Variants in SETBP1 observed in about 807,000 individuals in gnomAD.
SETBP1 encodes SET binding protein 1, also known as SET-binding protein.
A neutral mutation model predicts 101.0 loss-of-function variants in SETBP1; 9 were observed. That is an observed-to-expected ratio of 0.09 (90% confidence interval 0.05 to 0.16). The LOEUF (loss-of-function observed/expected upper bound fraction) is 0.16. SETBP1 is among the 10% of genes least tolerant of loss of function. The probability of loss-of-function intolerance (pLI) is 1.00; values close to 1 mark genes in which losing one functional copy is unlikely to be tolerated. For missense variants in SETBP1, 1,858 were observed against 2,033.8 expected (o/e 0.91, Z 1.66); for synonymous variants, 818 against 788.5 (o/e 1.04, Z -0.63).
chr18:44,966,737 G>A (rs901184294), intron 4 of SETBP1, among the ~76,000 whole-genome samples: 7 of 152,122 alleles, frequency 4.6e-5, no homozygotes, highest in African/African-American at 1.7e-4. Context: ...AATTTCTAAC[G>A]CAGCTTAGTA....
At chr18:44,751,556 G>A (rs2070379923) in intron 2 of SETBP1, among the ~76,000 whole-genome samples, 1 of 148,786 alleles carries the variant, frequency 6.7e-6, no homozygotes, top group Non-Finnish European at 1.5e-5. Flanking sequence ...AGGTTTTATT[G>A]TTATTTGATT....
intron 3 of SETBP1, chr18:44,871,651 G>A (rs991776494): frequency 1.3e-5 from 2 of 152,186 alleles, no homozygotes; most frequent in Non-Finnish European, 2.9e-5. Flanking sequence ...CTTTTCTGTT[G>A]ATTTGTCTCT....
intron 3 of SETBP1, among the ~76,000 whole-genome samples, chr18:44,891,201 AG>A (rs1216208756): frequency 6.6e-6 from 1 of 152,108 alleles, no homozygotes; most frequent in South Asian, 2.1e-4. Context: ...AGCATGAGAA[AG>A]GCCTGCCTCC....
chr18:44,760,975 T>C (rs1048039206), intron 2 of SETBP1, among the ~76,000 whole-genome samples: 1 of 152,222 alleles, frequency 6.6e-6, no homozygotes, highest in African/African-American at 2.4e-5. Flanking sequence ...CATAATGTCT[T>C]TCATATTGAA....
At position 44,721,500 on chromosome 18, in the gene SETBP1, A is replaced by G. The variant is rs561769628; in HGVS notation, c.486+19668A>G. Among the ~76,000 whole-genome samples the G allele has an allele frequency of 1.1e-4, 16 of 151,772 alleles. No individual in the cohort carries two copies. The South Asian group carries it at 3.1e-3, about 30-fold the overall frequency. ...GTTTCTAGTCCATTTTGTTTTGTCT[A>G]TTCTTTGCCACTCATTTCTTTTCTG... is the stretch of plus-strand genomic sequence containing the variant. On this transcript the variant is annotated intron_variant, in intron 2 of 5. Coordinates refer to ENST00000649279, the MANE Select transcript of SETBP1 (RefSeq NM_015559.3).
intron 3 of SETBP1, among the ~76,000 whole-genome samples, chr18:44,889,220 A>T (rs542752934): frequency 6.6e-6 from 1 of 152,268 alleles, no homozygotes; most frequent in African/African-American, 2.4e-5. Context: ...GACAACCATA[A>T]ACCTCCGTGG....
rs564552751 is a variant in SETBP1, at chr18:44,697,509, T to A, written c.-172-3666T>A. ...GAGCTGCAGTGGGAGTAATTTGAAC[T>A]ACACGACTTTGAATAGCTGTCAGAG... On this transcript the variant is annotated intron_variant, in intron 1 of 5. Coordinates refer to ENST00000649279, the MANE Select transcript of SETBP1 (RefSeq NM_015559.3). 1.2e-4 allele frequency among the ~76,000 whole-genome samples: 18 copies of A among 152,348 alleles called. No individual in the cohort carries two copies. The East Asian group carries it at 2.9e-3, about 24-fold the overall frequency.
intron 2 of SETBP1, among the ~76,000 whole-genome samples, chr18:44,714,090 T>C (rs923470256): frequency 6.6e-6 from 1 of 152,220 alleles, no homozygotes; most frequent in Non-Finnish European, 1.5e-5. Flanking sequence ...AGGTGAAGTC[T>C]ATTATTCTCA....
chr18:44,764,105 G>GGCTC (rs1254236313), intron 2 of SETBP1, among the ~76,000 whole-genome samples: 1 of 152,196 alleles, frequency 6.6e-6, no homozygotes, highest in Non-Finnish European at 1.5e-5. Context: ...ACCCTCCCAT[G>GGCTC]GCTCCCCATT....
chr18:44,722,785 G>T (rs1000949941), intron 2 of SETBP1, among the ~76,000 whole-genome samples: 6 of 152,202 alleles, frequency 3.9e-5, no homozygotes, highest in African/African-American at 1.4e-4. Context: ...ATGTCTTCAG[G>T]ACGGTTCTCT....
chr18:44,946,926 G>A (rs763520468), intron 3 of SETBP1, among the ~76,000 whole-genome samples: 27 of 152,158 alleles, frequency 1.8e-4, no homozygotes, highest in Admixed American at 1.3e-3. Context: ...GGCAGTGACC[G>A]TGTTTGCAGA....
rs902071566 is a variant in SETBP1 at position 44,743,513 on chromosome 18, T to G, written c.486+41681T>G. Among the ~76,000 whole-genome samples the G allele has an allele frequency of 7.2e-5, 11 of 152,158 alleles. No homozygotes were observed. In the East Asian group the frequency reaches 2.1e-3, roughly 29 times the overall value. ...TACAACAGACCTCACTTGTACCAGCTCCATATTGCCCAAGGATCTGGTTCT... is the reference window on the plus strand; with the variant it reads ...TACAACAGACCTCACTTGTACCAGCGCCATATTGCCCAAGGATCTGGTTCT... On this transcript the variant is annotated intron_variant, in intron 2 of 5. Coordinates refer to ENST00000649279, the MANE Select transcript of SETBP1 (RefSeq NM_015559.3).
chr18:44,791,444 A>G (rs1186892998), intron 2 of SETBP1, among the ~76,000 whole-genome samples: 1 of 152,152 alleles, frequency 6.6e-6, no homozygotes. Context: ...ATGCACACCC[A>G]CACAGATAAA....
In SETBP1 at chr18:44,746,315, C is replaced by T. The variant is rs911015554; in HGVS notation, c.486+44483C>T. On this transcript the variant is annotated intron_variant, in intron 2 of 5. Transcript: ENST00000649279. ...CTGTAAAATAGGATACATGATAGTA[C>T]AATAGTCATAGCGTTGCTAGCTTGG... 3.3e-5 allele frequency among the ~76,000 whole-genome samples: 5 copies of T among 152,228 alleles called. No homozygotes were observed. The South Asian group carries it at 1.0e-3, about 32-fold the overall frequency.
intron 4 of SETBP1, among the ~76,000 whole-genome samples, chr18:45,013,281 G>A (rs1050769376): frequency 6.6e-6 from 1 of 152,168 alleles, no homozygotes; most frequent in Non-Finnish European, 1.5e-5. Context: ...CACCACGAAG[G>A]ATGCTAGGAA....
rs1218601288 is a variant in SETBP1, at chr18:44,863,036, A to T, written c.487-6194A>T. On this transcript the variant is annotated intron_variant, in intron 2 of 5. Transcript: ENST00000649279. The stretch of plus-strand genomic sequence containing the variant: ...TCCAAGTCCAATGCTGTTTTGTATG[A>T]CAGTGTTTCACTTATCCTTGGAAAG... Among the ~76,000 whole-genome samples, 4 of 152,172 alleles carry T rather than the reference A, an allele frequency of 2.6e-5. No homozygotes were observed. In the East Asian group the frequency reaches 7.7e-4, roughly 29 times the overall value.
At chr18:44,946,540 G>A (rs2071211883) in intron 3 of SETBP1, among the ~76,000 whole-genome samples, 1 of 152,236 alleles carries the variant, frequency 6.6e-6, no homozygotes, top group South Asian at 2.1e-4. Context: ...TCATCTCTAA[G>A]TATTTGGGAA....
chr18:44,957,939 C>A lies in SETBP1; in HGVS notation c.4000+4599C>A, dbSNP rs9958557. ...CTTATTCCAAGTCCAATTCTGAGTC[C>A]TCTTGTGGGAGGAAATGAAAGATTA... is the stretch of plus-strand genomic sequence containing the variant. On this transcript the variant is annotated intron_variant, in intron 4 of 5. Transcript: ENST00000649279. Among the ~76,000 whole-genome samples, 812 of 152,138 alleles carry A rather than the reference C, an allele frequency of 5.3e-3. 8 individuals are homozygous for A. Among genetic ancestry groups the A allele is most frequent in the African/African-American group, 0.019 (769 of 41,532 alleles).
intron 4 of SETBP1, among the ~76,000 whole-genome samples, chr18:44,979,218 C>T (rs557158969): frequency 6.6e-6 from 1 of 152,202 alleles, no homozygotes; most frequent in African/African-American, 2.4e-5. Context: ...ATTTGCTTCC[C>T]TTTGCAATCT....
Sources: gnomAD v4.1 joint callset for allele counts (sites outside exome capture counted in the v4.1 genomes callset) on GRCh38, gnomAD v4.1.1 for gene constraint, MANE v1.5 for transcripts, NCBI Gene and HGNC (gene_info 2026-07-23, HGNC 2026-07-21) for gene names.